The following KDM3B variants were observed in gnomAD, a reference collection of about 807,000 sequenced individuals.
The protein encoded by KDM3B is lysine-specific demethylase 3B.
A neutral mutation model predicts 170.0 loss-of-function variants in KDM3B; 10 were observed. That is an observed-to-expected ratio of 0.06 (90% CI 0.04 to 0.10). The LOEUF (loss-of-function observed/expected upper bound fraction) is 0.10. KDM3B is among the 10% of genes least tolerant of loss of function. The pLI, the probability that KDM3B is intolerant of heterozygous loss-of-function variation, is 1.00. For synonymous variants in KDM3B, 831 were observed against 834.8 expected, an observed-to-expected ratio of 1.00 and a Z score of 0.08; for missense variants, 1,394 against 2,195.2, an observed-to-expected ratio of 0.64 and a Z score of 7.29.
intron 6 of KDM3B, among the ~76,000 whole-genome samples, chr5:138,383,994 C>T (rs1055806878): frequency 3.3e-5 from 5 of 151,122 alleles, no homozygotes; most frequent in Admixed American, 6.6e-5. Flanking sequence ...CGGTGGCTCA[C>T]GCCTGTAATC....
chr5:138,420,744 C>G lies in KDM3B; in HGVS notation c.3754C>G (p.His1252Asp). 1.9e-6 allele frequency: 3 copies of G among 1,614,138 alleles called. No homozygotes were observed. The highest frequency in any genetic ancestry group is 2.5e-6 in the Non-Finnish European group (3 of 1,180,022). The stretch of plus-strand genomic sequence containing the variant: ...GAGGTCGGTGCTCAATAAAGAGTCT[C>G]ATTCACCCTTTGGGCTGGACTCGTT... ...SLRSVLNKES[H>D]SPFGLDSFNS... Residue 1252 changes from histidine (H) to aspartate (D), a missense_variant, in exon 15 of 24, where the codon CAT (histidine) becomes GAT (aspartate). By Grantham distance (81) the His-to-Asp change is moderately conservative. Around this residue, in one of 19 missense-constraint regions of KDM3B, gnomAD observed 137 missense variants for 166.9 expected, o/e 0.82. Transcript: ENST00000314358.
chr5:138,412,618 C>T (rs1763001641), intron 11 of KDM3B, among the ~76,000 whole-genome samples: 1 of 152,112 alleles, frequency 6.6e-6, no homozygotes, highest in Non-Finnish European at 1.5e-5. Flanking sequence ...CGTGCCATTA[C>T]ACTCCAGCCT....
intron 16 of KDM3B, 86 bp downstream of exon 16, chr5:138,424,427 A>G: frequency 6.9e-7 from 1 of 1,454,886 alleles, no homozygotes; most frequent in South Asian, 1.3e-5. Flanking sequence ...TCTTTTTGCC[A>G]GGGAGATTTA....
chr5:138,371,269 G>C (rs1761866071), intron 1 of KDM3B, among the ~76,000 whole-genome samples: 1 of 151,992 alleles, frequency 6.6e-6, no homozygotes, highest in South Asian at 2.1e-4. Context: ...AGACCAGCCT[G>C]GGCAACATAG....
chr5:138,399,174 C>T (rs536008231), intron 10 of KDM3B, among the ~76,000 whole-genome samples: 2 of 151,914 alleles, frequency 1.3e-5, no homozygotes, highest in East Asian at 3.9e-4. Flanking sequence ...ATGTGTGAGC[C>T]ACCGCGCCCG....
At chr5:138,416,549 A>G (rs1241765468) in intron 12 of KDM3B, among the ~76,000 whole-genome samples, 1 of 146,174 alleles carries the variant, frequency 6.8e-6, no homozygotes, top group Non-Finnish European at 1.5e-5. Flanking sequence ...AGATCATGCC[A>G]CTGCACTACA....
chr5:138,402,618 C>A (rs1488291238), intron 11 of KDM3B, among the ~76,000 whole-genome samples: 2 of 152,180 alleles, frequency 1.3e-5, no homozygotes, highest in Non-Finnish European at 2.9e-5. Flanking sequence ...TCTGCACCTG[C>A]CCATGAAAGA....
At position 138,424,563 on chromosome 5, in the gene KDM3B, G is replaced by A. The variant is rs528412082; in HGVS notation, c.4239+222G>A. 4.6e-5 allele frequency among the ~76,000 whole-genome samples: 7 copies of A among 152,246 alleles called. No homozygotes were observed. In the East Asian group the frequency reaches 1.2e-3, roughly 25 times the overall value. On this transcript the variant is annotated intron_variant, in intron 16 of 23. Coordinates refer to ENST00000314358, the MANE Select transcript of KDM3B (RefSeq NM_016604.4). The stretch of plus-strand genomic sequence containing the variant: ...AGCACTTTGGGAGGCCAAGGCAGGC[G>A]CATCATCTGAGGTCAGGAGTTTGGC...
chr5:138,405,368 A>G (rs1038626711), intron 11 of KDM3B, among the ~76,000 whole-genome samples: 54 of 152,276 alleles, frequency 3.5e-4, no homozygotes, highest in Admixed American at 2.5e-3. Flanking sequence ...GTAGCCAGGC[A>G]TGGTGACACA....
intron 21 of KDM3B, 136 bp from the exon 22 acceptor site, chr5:138,430,113 A>G: frequency 7.4e-7 from 1 of 1,358,658 alleles, no homozygotes; most frequent in East Asian, 2.5e-5. Flanking sequence ...AAAGGCTTGA[A>G]TCCACACCTA....
rs200778394 is a variant in KDM3B at position 138,418,074 on chromosome 5, G to GT, written c.3435+464_3435+465insT. On this transcript the variant is annotated intron_variant, in intron 13 of 23. Coordinates refer to ENST00000314358, the MANE Select transcript of KDM3B (RefSeq NM_016604.4). ...ACATTGCTTTGTCAGTTTTGGTTTT[G>GT]GTTTTTTTTTTTTTTTTTTTTTTCA... The GT allele has an allele frequency of 5.2e-3, 595 of 114,166 alleles. 10 individuals are homozygous for GT. The highest frequency in any genetic ancestry group is 0.014 in the African/African-American group (487 of 33,818). 7.1% of individuals were successfully genotyped at this position (114,166 alleles called of 1,614,324 possible). A position where few individuals can be genotyped will look rare whatever the true frequency, so the allele number is the denominator to read the frequency against.
At chr5:138,419,838 C>A (rs1763225857) in intron 14 of KDM3B, among the ~76,000 whole-genome samples, 1 of 151,092 alleles carries the variant, frequency 6.6e-6, no homozygotes, top group Non-Finnish European at 1.5e-5. Flanking sequence ...ATGCCTGGGC[C>A]CTACCCTGGA....
chr5:138,428,940 CTTTTTTTTTTTT>C (rs397884825), intron 20 of KDM3B, among the ~76,000 whole-genome samples: 2 of 101,236 alleles, frequency 2.0e-5, no homozygotes, highest in Non-Finnish European at 4.2e-5. Flanking sequence ...GGGATAATTT[CTTTTTTTTTTTT>C]TTTTTTTTTT....
chr5:138,429,473 A>C (rs1763477659), intron 20 of KDM3B, among the ~76,000 whole-genome samples: 1 of 152,232 alleles, frequency 6.6e-6, no homozygotes. Context: ...TGTAGGCTTA[A>C]ATCCAGAATC....
chr5:138,427,935 C>T, intron 19 of KDM3B, 32 bp from the exon 20 acceptor site: 1 of 1,605,254 alleles, frequency 6.2e-7, no homozygotes, highest in Non-Finnish European at 8.5e-7. Flanking sequence ...AATATTGGCC[C>T]TTCACCTTGC....
chr5:138,411,703 T>TC (rs1473949008), intron 11 of KDM3B, among the ~76,000 whole-genome samples: 2 of 149,076 alleles, frequency 1.3e-5, no homozygotes, highest in Non-Finnish European at 3.0e-5. Flanking sequence ...TTCTTTTAAT[T>TC]TTTTTTTTTT....
intron 11 of KDM3B, among the ~76,000 whole-genome samples, chr5:138,408,771 T>G (rs1277214857): frequency 6.6e-6 from 1 of 152,218 alleles, no homozygotes; most frequent in Non-Finnish European, 1.5e-5. Context: ...ACTATATTAG[T>G]AGACTAAAAA....
chr5:138,399,552 A>AT, intron 10 of KDM3B, among the ~76,000 whole-genome samples: 1 of 151,808 alleles, frequency 6.6e-6, no homozygotes, highest in African/African-American at 2.4e-5. Flanking sequence ...AAATATATAT[A>AT]TATATTTTTT....
intron 3 of KDM3B, among the ~76,000 whole-genome samples, chr5:138,376,715 A>T (rs1400100243): frequency 7.2e-6 from 1 of 139,584 alleles, no homozygotes; most frequent in Non-Finnish European, 1.6e-5. Flanking sequence ...AGAAAAAAAG[A>T]AAAAAAAAAA....
Sources: allele counts gnomAD v4.1 joint callset (sites outside exome capture counted in the v4.1 genomes callset), GRCh38; gene constraint gnomAD v4.1.1; regional missense constraint gnomAD v4.1.1; transcripts MANE v1.5; gene names NCBI Gene and HGNC (gene_info 2026-07-23, HGNC 2026-07-21).